CALD1: variants seen among roughly 807,000 people sequenced by gnomAD.
CALD1 encodes caldesmon 1.
In CALD1, 33 loss-of-function variants were observed where a neutral mutation model predicts 99.9. That is an observed-to-expected ratio of 0.33 (90% CI 0.25 to 0.44). The LOEUF (loss-of-function observed/expected upper bound fraction) is 0.44, where lower values mean the gene tolerates loss of function less well. Ranked by LOEUF, CALD1 falls within the 20% of genes least tolerant of loss-of-function variation. The probability of loss-of-function intolerance (pLI) is 1.00; values close to 1 mark genes in which losing one functional copy is unlikely to be tolerated. For missense variants in CALD1, 861 were observed against 962.1 expected (o/e 0.89, Z 1.39); for synonymous variants, 310 against 325.0 (o/e 0.95, Z 0.50).
intron 3 of CALD1, among the ~76,000 whole-genome samples, chr7:134,915,213 C>G (rs576732422): frequency 6.6e-6 from 1 of 152,226 alleles, no homozygotes; most frequent in Admixed American, 6.5e-5. Flanking sequence ...CATGCAGCCC[C>G]CTTGCTGCCC....
At chr7:134,731,823 A>G in the CALD1 span, among the ~76,000 whole-genome samples, 1 of 152,062 alleles carries the variant, frequency 6.6e-6, no homozygotes, top group African/African-American at 2.4e-5. Context: ...GTCTGGCTTT[A>G]CTAACTCCTT....
At chr7:134,922,443 G>C (rs1804685230) in intron 3 of CALD1, among the ~76,000 whole-genome samples, 1 of 152,182 alleles carries the variant, frequency 6.6e-6, no homozygotes, top group South Asian at 2.1e-4. Context: ...CCAAAATGGA[G>C]AAAAGACAAA....
chr7:134,845,414 T>A (rs549564888), intron 2 of CALD1, among the ~76,000 whole-genome samples: 1 of 150,872 alleles, frequency 6.6e-6, no homozygotes, highest in South Asian at 2.2e-4. Flanking sequence ...CCAAGACAGG[T>A]AGAAATAAGT....
rs947589677 is a variant in CALD1 at position 134,933,433 on chromosome 7, G to A, written c.664G>A (p.Glu222Lys). The part of the protein sequence containing the change: ...VEEKTTESQE[E>K]TVVMSLKNGQ... ...AGAGAAAACAACTGAAAGCCAGGAG[G>A]AAACAGTGGTAATGTCATTAAAAAA... Residue 222 changes from glutamate to lysine, a missense_variant, in exon 5 of 15, where the codon GAA becomes AAA. Around this residue, in one of 5 missense-constraint regions of CALD1, gnomAD observed 234 missense variants for 233.1 expected, o/e 1.00. Coordinates refer to ENST00000361675, the MANE Select transcript of CALD1 (RefSeq NM_033138.4). 1.9e-6 allele frequency: 3 copies of A among 1,613,782 alleles called. No homozygotes were observed. Among genetic ancestry groups the A allele is most frequent in the Middle Eastern group, 3.3e-4 (2 of 6,062 alleles).
In CALD1 at chr7:134,761,414, C is replaced by T. The variant is rs866317124; in HGVS notation, c.-130+17051C>T. 2.6e-5 allele frequency among the ~76,000 whole-genome samples: 4 copies of T among 152,002 alleles called. 1 individual carries two copies. Among genetic ancestry groups the T allele is most frequent in the South Asian group, 4.2e-4 (2 of 4,808 alleles). On this transcript the variant is annotated intron_variant, in intron 1 of 13. Transcript: ENST00000417172. ...CATAATCTACTGAGATTCAAGGTCTCGTAGAAGGAAAATTTGCAGTCGATT... is the reference window on the plus strand; with the variant it reads ...CATAATCTACTGAGATTCAAGGTCTTGTAGAAGGAAAATTTGCAGTCGATT...
chr7:134,959,800 G>C (rs1393767534), intron 11 of CALD1, among the ~76,000 whole-genome samples, 174 bp from the exon 12 acceptor site: 3 of 152,128 alleles, frequency 2.0e-5, no homozygotes, highest in African/African-American at 4.8e-5. Flanking sequence ...TTTATTTTGA[G>C]GGACATATGT....
intron 3 of CALD1, among the ~76,000 whole-genome samples, chr7:134,916,979 T>TTA (rs1248692096): frequency 6.6e-6 from 1 of 152,224 alleles, no homozygotes; most frequent in African/African-American, 2.4e-5. Flanking sequence ...ATGTGCTTGT[T>TTA]TATATACCTG....
upstream of CALD1, among the ~76,000 whole-genome samples, chr7:134,778,950 T>C (rs749180719): frequency 2.0e-5 from 3 of 152,340 alleles, no homozygotes; most frequent in East Asian, 1.9e-4. Flanking sequence ...AAAAAAGACC[T>C]ACGCTTTTGG....
the CALD1 span, among the ~76,000 whole-genome samples, chr7:134,733,845 G>C: frequency 5.1e-4 from 60 of 117,246 alleles, 1 homozygote; most frequent in African/African-American, 1.9e-3. Flanking sequence ...AACAAAATAG[G>C]TCTGCTAAAT....
intron 1 of CALD1, among the ~76,000 whole-genome samples, chr7:134,750,354 C>T (rs1210252354): frequency 1.3e-5 from 2 of 152,214 alleles, no homozygotes; most frequent in African/African-American, 4.8e-5. Context: ...CAGTGGAATA[C>T]AGGAGCGTGG....
intron 2 of CALD1, among the ~76,000 whole-genome samples, chr7:134,859,357 C>T (rs147630621): frequency 1.2e-3 from 188 of 152,322 alleles, no homozygotes; most frequent in African/African-American, 4.5e-3. Context: ...GAATTTCCAC[C>T]TTGCCTTAGG....
intron 8 of CALD1, among the ~76,000 whole-genome samples, chr7:134,949,764 G>A (rs1317735333): frequency 6.6e-6 from 1 of 152,148 alleles, no homozygotes; most frequent in African/African-American, 2.4e-5. Flanking sequence ...TGGTGATTAT[G>A]TATCATCCTA....
At chr7:134,725,414 C>A in the CALD1 span, among the ~76,000 whole-genome samples, 1 of 152,188 alleles carries the variant, frequency 6.6e-6, no homozygotes, top group Non-Finnish European at 1.5e-5. Context: ...AATTTGTATG[C>A]ATCTCTCTCT....
At chr7:134,851,851 A>G (rs1563044449) in intron 2 of CALD1, among the ~76,000 whole-genome samples, 1 of 152,212 alleles carries the variant, frequency 6.6e-6, no homozygotes, top group Non-Finnish European at 1.5e-5. Flanking sequence ...GCACAATACT[A>G]TAATGTGCCC....
chr7:134,744,449 T>TTG (rs1796617006), intron 1 of CALD1: 1 of 113,744 alleles, frequency 8.8e-6, no homozygotes, highest in African/African-American at 5.3e-5. Context: ...TATCAGGAAG[T>TTG]CGTGTGTGTG....
At chr7:134,890,140 CT>C (rs1802079943) in intron 3 of CALD1, among the ~76,000 whole-genome samples, 1 of 152,188 alleles carries the variant, frequency 6.6e-6, no homozygotes, top group African/African-American at 2.4e-5. Flanking sequence ...AACTCCTGAC[CT>C]TGATCCACCT....
At chr7:134,734,095 C>A in the CALD1 span, among the ~76,000 whole-genome samples, 1 of 152,098 alleles carries the variant, frequency 6.6e-6, no homozygotes, top group African/African-American at 2.4e-5. Flanking sequence ...GGTCATCACA[C>A]AGGAAAACAA....
chr7:134,754,041 GT>G (rs888934686), intron 1 of CALD1, among the ~76,000 whole-genome samples: 11 of 152,142 alleles, frequency 7.2e-5, no homozygotes, highest in Non-Finnish European at 1.5e-5. Context: ...GACCATATTT[GT>G]TTAACACGTA....
intron 1 of CALD1, among the ~76,000 whole-genome samples, chr7:134,763,601 C>T (rs991018587): frequency 2.0e-4 from 30 of 152,208 alleles, no homozygotes; most frequent in African/African-American, 7.0e-4. Context: ...TTATAAATGG[C>T]CACCTGAGTT....
Sources: gnomAD v4.1 joint callset for allele counts (sites outside exome capture counted in the v4.1 genomes callset) on GRCh38, gnomAD v4.1.1 for gene constraint, gnomAD v4.1.1 regional missense constraint, MANE v1.5 for transcripts, NCBI Gene and HGNC (gene_info 2026-07-23, HGNC 2026-07-21) for gene names.